The following PLEKHM3 variants were observed in gnomAD, a reference collection of about 807,000 sequenced individuals.
The protein encoded by PLEKHM3 is pleckstrin homology domain containing M3.
Under a neutral mutation model 81.8 loss-of-function variants are expected in PLEKHM3, and 45 were observed. That is an observed-to-expected ratio of 0.55 (90% confidence interval 0.43 to 0.71). The LOEUF (loss-of-function observed/expected upper bound fraction) is 0.71, where lower values mean the gene tolerates loss of function less well. Ranked by LOEUF, PLEKHM3 falls within the 30% of genes least tolerant of loss-of-function variation. The pLI is 0.00. For synonymous variants in PLEKHM3, 352 were observed against 356.4 expected, an observed-to-expected ratio of 0.99 and a Z score of 0.14; for missense variants, 788 against 924.3, an observed-to-expected ratio of 0.85 and a Z score of 1.91.
chr2:207,933,624 A>C lies in PLEKHM3; in HGVS notation c.1693-2505T>G, dbSNP rs939723373. On this transcript the variant is annotated intron_variant, in intron 4 of 7. Coordinates refer to ENST00000427836, the MANE Select transcript of PLEKHM3 (RefSeq NM_001080475.3). ...GCACTGGCCAGTCTCCCAGGCCTTA[A>C]AAGGCTTCTCTCTTCAGGTGGTACT... Among the ~76,000 whole-genome samples, 140 of 152,320 alleles carry C rather than the reference A, an allele frequency of 9.2e-4. 1 individual carries two copies. Among genetic ancestry groups the C allele is most frequent in the African/African-American group, 3.3e-3 (136 of 41,572 alleles).
At chr2:207,979,569 A>T (rs1405525124) in intron 2 of PLEKHM3, among the ~76,000 whole-genome samples, 1 of 151,898 alleles carries the variant, frequency 6.6e-6, no homozygotes, top group Non-Finnish European at 1.5e-5. Context: ...AGAAAATGAC[A>T]TCCATGTGAA....
chr2:207,956,359 G>A (rs987572166), intron 3 of PLEKHM3, among the ~76,000 whole-genome samples: 4 of 151,942 alleles, frequency 2.6e-5, no homozygotes, highest in Non-Finnish European at 4.4e-5. Context: ...TGTAGTCCCA[G>A]CTGCTTGGGA....
intron 2 of PLEKHM3, among the ~76,000 whole-genome samples, chr2:207,981,463 A>G (rs1289744816): frequency 6.6e-6 from 1 of 152,298 alleles, no homozygotes; most frequent in East Asian, 1.9e-4. Flanking sequence ...CTCCTGCCTC[A>G]GCCTCCTAAG....
intron 5 of PLEKHM3, among the ~76,000 whole-genome samples, chr2:207,924,612 G>C (rs760261410): frequency 5.3e-5 from 8 of 152,134 alleles, no homozygotes; most frequent in Non-Finnish European, 1.5e-5. Flanking sequence ...TTGAACCTGG[G>C]AGGTGGAGGT....
In PLEKHM3 at chr2:207,824,000, T is replaced by G. The variant is rs2092234555; in HGVS notation, c.*4319A>C. 2 of 152,382 alleles carry G rather than the reference T, an allele frequency of 1.3e-5. No homozygotes were observed. The highest frequency in any genetic ancestry group is 4.1e-4 in the South Asian group (2 of 4,832). The allele number at this position is 152,382 out of a possible 1,614,324, so 9.4% of individuals were successfully genotyped here. On this transcript the variant is annotated 3_prime_UTR_variant, in exon 8 of 8. Coordinates refer to ENST00000427836, the MANE Select transcript of PLEKHM3 (RefSeq NM_001080475.3). ...CACATGACAGAAATCAACACTTGTCTGTTTACATTAACCGAGCAGAGCTTA... is the reference window on the plus strand; with the variant it reads ...CACATGACAGAAATCAACACTTGTCGGTTTACATTAACCGAGCAGAGCTTA...
intron 5 of PLEKHM3, among the ~76,000 whole-genome samples, chr2:207,918,676 G>A (rs1466416071): frequency 6.6e-6 from 1 of 152,166 alleles, no homozygotes; most frequent in Non-Finnish European, 1.5e-5. Flanking sequence ...TTTCTATGAT[G>A]AACAGTATTC....
intron 6 of PLEKHM3, among the ~76,000 whole-genome samples, chr2:207,889,178 A>T (rs2105867242): frequency 6.6e-6 from 1 of 152,354 alleles, no homozygotes; most frequent in East Asian, 1.9e-4. Context: ...AGGAGCTTGC[A>T]GTATGCTTGG....
At chr2:207,856,623 G>A (rs934297821) in intron 7 of PLEKHM3, among the ~76,000 whole-genome samples, 3 of 152,160 alleles carry the variant, frequency 2.0e-5, no homozygotes, top group Non-Finnish European at 4.4e-5. Flanking sequence ...TTTCCTCCAT[G>A]TCTCTTTGTG....
At chr2:207,990,594 G>A (rs188874417) in intron 2 of PLEKHM3, among the ~76,000 whole-genome samples, 3 of 152,170 alleles carry the variant, frequency 2.0e-5, no homozygotes, top group Admixed American at 1.3e-4. Context: ...CAGGCACATC[G>A]GGGCACACTA....
Position 207,922,539 on chromosome 2 carries a change from G to A in PLEKHM3, c.1886+8387C>T, listed in dbSNP as rs367719875. Among the ~76,000 whole-genome samples, 475 of 151,914 alleles carry A rather than the reference G, an allele frequency of 3.1e-3. 1 individual carries two copies. Among genetic ancestry groups the A allele is most frequent in the African/African-American group, 0.011 (449 of 41,460 alleles). The stretch of plus-strand genomic sequence containing the variant: ...AAAACCATCCAAGCCCTGGCCAGGC[G>A]CGGTGGCTCACGCCTGTAATCCCAG... On this transcript the variant is annotated intron_variant, in intron 5 of 7. Transcript: ENST00000427836.
At chr2:207,977,708 C>CA (rs1691368997) in intron 2 of PLEKHM3, 122 bp from the exon 3 acceptor site, 4 of 822,590 alleles carry the variant, frequency 4.9e-6, no homozygotes, top group Non-Finnish European at 7.5e-6. Context: ...TCTTCTGGTT[C>CA]AAATTAAACA....
At chr2:207,934,620 G>A (rs924018432) in intron 4 of PLEKHM3, among the ~76,000 whole-genome samples, 9 of 152,132 alleles carry the variant, frequency 5.9e-5, no homozygotes, top group African/African-American at 2.2e-4. Flanking sequence ...CAAGAGAGAT[G>A]AGAAGGAGGA....
At chr2:207,977,921 T>C (rs552402283) in intron 2 of PLEKHM3, among the ~76,000 whole-genome samples, 2 of 152,170 alleles carry the variant, frequency 1.3e-5, no homozygotes, top group East Asian at 3.9e-4. Context: ...AGCCCGTCTC[T>C]ATAAAAAATT....
chr2:207,883,993 C>T (rs1574369075), intron 6 of PLEKHM3, among the ~76,000 whole-genome samples: 1 of 152,068 alleles, frequency 6.6e-6, no homozygotes, highest in African/African-American at 2.4e-5. Flanking sequence ...ATCTAATACC[C>T]TTCTTTGATA....
chr2:207,831,887 T>C (rs1447463047), intron 7 of PLEKHM3, among the ~76,000 whole-genome samples: 1 of 152,212 alleles, frequency 6.6e-6, no homozygotes, highest in African/African-American at 2.4e-5. Flanking sequence ...GATAGCTTTA[T>C]CATATAAATT....
chr2:208,024,820 C>A (rs955072435), intron 1 of PLEKHM3, among the ~76,000 whole-genome samples: 1 of 152,210 alleles, frequency 6.6e-6, no homozygotes, highest in Non-Finnish European at 1.5e-5. Flanking sequence ...AGGTATACAT[C>A]CAGACCAGTC....
At chr2:207,952,175 G>T (rs1690349380) in intron 3 of PLEKHM3, among the ~76,000 whole-genome samples, 2 of 152,230 alleles carry the variant, frequency 1.3e-5, no homozygotes, top group Admixed American at 6.5e-5. Flanking sequence ...AGGGTGAGAA[G>T]ACACATTGTC....
chr2:207,867,788 C>T (rs998103178), intron 6 of PLEKHM3, among the ~76,000 whole-genome samples: 3 of 151,830 alleles, frequency 2.0e-5, no homozygotes, highest in Admixed American at 6.6e-5. Flanking sequence ...TTCCTCCCAC[C>T]ATCCCAAGAG....
intron 7 of PLEKHM3, among the ~76,000 whole-genome samples, chr2:207,841,480 A>T (rs6435391): frequency 1.1e-3 from 42 of 36,778 alleles, no homozygotes; most frequent in East Asian, 1.4e-3. Flanking sequence ...AAAAAAAAAA[A>T]ATATATATAT....
Sources: gnomAD v4.1 joint callset for allele counts (sites outside exome capture counted in the v4.1 genomes callset) on GRCh38, gnomAD v4.1.1 for gene constraint, MANE v1.5 for transcripts, NCBI Gene and HGNC (gene_info 2026-07-23, HGNC 2026-07-21) for gene names.